STAU1: variants seen among roughly 807,000 people sequenced by gnomAD.
The protein encoded by STAU1 is staufen double-stranded RNA binding protein 1.
STAU1 carries 13 observed loss-of-function variants against 62.9 expected under a neutral mutation model. That is an observed-to-expected ratio of 0.21 (90% CI 0.13 to 0.33). The LOEUF (loss-of-function observed/expected upper bound fraction) is 0.33, where lower values mean the gene tolerates loss of function less well. Ranked by LOEUF, STAU1 falls within the 10% of genes least tolerant of loss-of-function variation. The pLI is 1.00. For synonymous variants in STAU1, 269 were observed against 265.1 expected (o/e 1.01, Z -0.14); for missense variants, 571 against 712.1 (o/e 0.80, Z 2.25).
At chr20:49,193,735 A>G in the STAU1 span, among the ~76,000 whole-genome samples, 1 of 152,136 alleles carries the variant, frequency 6.6e-6, no homozygotes, top group East Asian at 1.9e-4. Flanking sequence ...TTGGGAGGCC[A>G]AGGCAGGCGG....
At chr20:49,129,272 A>T (rs938855710) in intron 6 of STAU1, among the ~76,000 whole-genome samples, 2 of 121,002 alleles carry the variant, frequency 1.7e-5, no homozygotes, top group South Asian at 2.5e-4. Flanking sequence ...GAATGACTTT[A>T]AAAAAAAATT....
At chr20:49,201,241 C>T in the STAU1 span, among the ~76,000 whole-genome samples, 1 of 151,410 alleles carries the variant, frequency 6.6e-6, no homozygotes, top group Admixed American at 6.6e-5. Flanking sequence ...TTATTGTACA[C>T]AAATATTTAA....
Position 49,117,216 on chromosome 20 carries a change from C to G in STAU1, c.1542G>C (p.Lys514Asn), listed in dbSNP as rs759473724. The stretch of plus-strand genomic sequence containing the variant: ...AATTGATAAGAGATACAAATTCGTT[C>G]TTGTTGTTTTTGGGGAAGTCTTTGT... The part of the protein sequence containing the change: ...VEYKDFPKNN[K>N]NEFVSLINCS... The change falls in exon 12 of 14, where the codon AAG (lysine) becomes AAC (asparagine). Residue 514 changes from lysine to asparagine, a missense_variant. Around this residue, in one of 3 missense-constraint regions of STAU1, gnomAD observed 156 missense variants for 194.7 expected, o/e 0.80. Transcript: ENST00000371856. The surrounding 1 kb of genome is among the most constrained non-coding windows in gnomAD (Gnocchi z 4.6). 1 of 1,614,124 alleles carries G rather than the reference C, an allele frequency of 6.2e-7. No individual in the cohort carries two copies. The highest frequency in any genetic ancestry group is 1.7e-5 in the Admixed American group (1 of 60,012).
At chr20:49,175,127 G>C (rs1600855846) in intron 1 of STAU1, among the ~76,000 whole-genome samples, 1 of 151,776 alleles carries the variant, frequency 6.6e-6, no homozygotes, top group African/African-American at 2.4e-5. Context: ...CTGCACTCCA[G>C]CCTGGCAAAA....
chr20:49,114,677 T>G lies in STAU1; in HGVS notation c.*201A>C. ...GGACCGCCAGGTCACCGAGTGGCCA[T>G]CACAACAAACCCCAGCACAGTCCAG... On this transcript the variant is annotated 3_prime_UTR_variant, in exon 14 of 14. Coordinates refer to ENST00000371856, the MANE Select transcript of STAU1 (RefSeq NM_017453.4). The G allele has an allele frequency of 1.8e-6, 1 of 547,446 alleles. No homozygotes were observed. The highest frequency in any genetic ancestry group is 3.3e-6 in the Non-Finnish European group (1 of 301,662). The allele number at this position is 547,446 out of a possible 1,614,324, so 33.9% of individuals were successfully genotyped here.
chr20:49,185,788 A>G (rs1415014867), intron 1 of STAU1, among the ~76,000 whole-genome samples: 1 of 152,152 alleles, frequency 6.6e-6, no homozygotes, highest in African/African-American at 2.4e-5. Context: ...TATTTAAAAT[A>G]CCATTTCCCT....
At chr20:49,216,007 CAAAAAAAAA>C in the STAU1 span, among the ~76,000 whole-genome samples, 5 of 36,458 alleles carry the variant, frequency 1.4e-4, no homozygotes, top group South Asian at 1.4e-3. Context: ...GACTATGTCT[CAAAAAAAAA>C]AAAAAAAAAA....
At chr20:49,114,985 G>C (rs2092278324) in intron 13 of STAU1, 92 bp from the exon 14 acceptor site, 1 of 1,337,558 alleles carries the variant, frequency 7.5e-7, no homozygotes. Flanking sequence ...CAAACATCAG[G>C]AAGTACAATA....
intron 5 of STAU1, among the ~76,000 whole-genome samples, chr20:49,145,903 T>G (rs1157798221): frequency 6.6e-6 from 1 of 151,286 alleles, no homozygotes; most frequent in East Asian, 1.9e-4. Flanking sequence ...GACCTGTCTC[T>G]GTTAGAAAAA....
the STAU1 span, among the ~76,000 whole-genome samples, chr20:49,207,288 C>A: frequency 6.6e-6 from 1 of 151,822 alleles, no homozygotes; most frequent in African/African-American, 2.4e-5. Context: ...CCTGCCAAGT[C>A]AGAGTGTCCA....
At chr20:49,204,625 TGTATATATATATATATATATA>T in the STAU1 span, among the ~76,000 whole-genome samples, 4 of 38,976 alleles carry the variant, frequency 1.0e-4, no homozygotes, top group Non-Finnish European at 1.8e-4. Flanking sequence ...TATATATATG[TGTATATATATATATATATATA>T]TTTTTTTTTT....
chr20:49,163,767 T>C (rs185962728), intron 3 of STAU1, among the ~76,000 whole-genome samples: 44 of 152,174 alleles, frequency 2.9e-4, no homozygotes, highest in African/African-American at 1.1e-3. Context: ...ATTTGAATGT[T>C]TCTATACTTT....
In STAU1 at chr20:49,117,976, T is replaced by G; in HGVS notation, c.1310A>C (p.Lys437Thr). ...ATTCGGAGCTGCCCTGGTAAAATCT[T>G]TGGTGTGATGTCCTTGACTAACTCC... ...AVGVSQGHHTKDFTRAAPNPA... is the reference protein window; with the variant it reads ...AVGVSQGHHTTDFTRAAPNPA... Residue 437 changes from lysine to threonine, a missense_variant, in exon 11 of 14, where the codon AAA (lysine) becomes ACA (threonine). By Grantham distance (78) the Lys-to-Thr change is moderately conservative (BLOSUM62 -1). Around this residue, in one of 3 missense-constraint regions of STAU1, gnomAD observed 156 missense variants for 194.7 expected, o/e 0.80. Transcript: ENST00000371856. This position sits in a 1 kb window ranked among gnomAD's most constrained non-coding sequence, Gnocchi z 4.6. The G allele has an allele frequency of 6.2e-7, 1 of 1,614,166 alleles. No individual in the cohort carries two copies. Among genetic ancestry groups the G allele is most frequent in the Non-Finnish European group, 8.5e-7 (1 of 1,180,016 alleles).
intron 3 of STAU1, among the ~76,000 whole-genome samples, chr20:49,160,132 A>G (rs1169741789): frequency 6.6e-6 from 1 of 152,198 alleles, no homozygotes; most frequent in East Asian, 1.9e-4. Context: ...CCTGTTTTAC[A>G]CATGAGGAAA....
At chr20:49,216,460 A>G in the STAU1 span, among the ~76,000 whole-genome samples, 117,329 of 151,724 alleles carry the variant, frequency 0.77, 45,633 homozygotes, top group East Asian at 0.95. Flanking sequence ...CCCAGGAGGC[A>G]GAGGTTGCAG....
At chr20:49,152,583 G>A (rs1216756967) in intron 4 of STAU1, among the ~76,000 whole-genome samples, 4 of 151,754 alleles carry the variant, frequency 2.6e-5, no homozygotes, top group Admixed American at 1.3e-4. Flanking sequence ...CTCATGATCC[G>A]CCTGCCTTGG....
At chr20:49,139,881 T>C (rs1480822140) in intron 5 of STAU1, among the ~76,000 whole-genome samples, 1 of 151,860 alleles carries the variant, frequency 6.6e-6, no homozygotes, top group Non-Finnish European at 1.5e-5. Flanking sequence ...TTGGATTTTA[T>C]TAAAAATAAA....
chr20:49,165,836 C>T (rs192524754), intron 3 of STAU1, among the ~76,000 whole-genome samples, 161 bp downstream of exon 3: 16 of 152,296 alleles, frequency 1.1e-4, no homozygotes, highest in African/African-American at 3.8e-4. Context: ...ACCCCTTACA[C>T]AACCAGTGTT....
At chr20:49,174,447 G>A (rs1425927045) in intron 1 of STAU1, among the ~76,000 whole-genome samples, 178 bp from the exon 2 acceptor site, 1 of 152,192 alleles carries the variant, frequency 6.6e-6, no homozygotes, top group Non-Finnish European at 1.5e-5. Context: ...GGCCAGACAT[G>A]GTGGCTCATG....
Sources: allele counts gnomAD v4.1 joint callset (sites outside exome capture counted in the v4.1 genomes callset), GRCh38; gene constraint gnomAD v4.1.1; regional missense constraint gnomAD v4.1.1; non-coding constraint Gnocchi (gnomAD v3.1); transcripts MANE v1.5; gene names NCBI Gene and HGNC (gene_info 2026-07-23, HGNC 2026-07-21).